RAD51B: variants seen among roughly 807,000 people sequenced by gnomAD.
RAD51B encodes RAD51 paralog B.
In RAD51B, 38 loss-of-function variants were observed where a neutral mutation model predicts 42.2. That is an observed-to-expected ratio of 0.90 (90% confidence interval 0.70 to 1.18). The LOEUF (loss-of-function observed/expected upper bound fraction) is 1.18. Ranked by LOEUF, RAD51B falls within the 50% of genes most tolerant of loss-of-function variation. The pLI is 0.00. For synonymous variants in RAD51B, 154 were observed against 145.2 expected (o/e 1.06, Z -0.43); for missense variants, 373 against 400.7 (o/e 0.93, Z 0.59).
chr14:68,459,389 G>C (rs2085785403), intron 9 of RAD51B, among the ~76,000 whole-genome samples: 1 of 152,196 alleles, frequency 6.6e-6, no homozygotes, highest in East Asian at 1.9e-4. Flanking sequence ...TGGCATGAAG[G>C]ATTTCTGTCG....
At chr14:68,458,828 G>A (rs1241045368) in intron 9 of RAD51B, among the ~76,000 whole-genome samples, 1 of 152,132 alleles carries the variant, frequency 6.6e-6, no homozygotes, top group Non-Finnish European at 1.5e-5. Context: ...CTCAAATACA[G>A]TTCATTTTTC....
intron 8 of RAD51B, among the ~76,000 whole-genome samples, chr14:68,370,042 G>T (rs1272051160): frequency 6.6e-6 from 1 of 152,188 alleles, no homozygotes; most frequent in Admixed American, 6.5e-5. Flanking sequence ...GGAGGATAAT[G>T]ACTGAACCTA....
intron 8 of RAD51B, among the ~76,000 whole-genome samples, chr14:68,376,821 T>C (rs1430379402): frequency 2.0e-5 from 3 of 152,196 alleles, no homozygotes; most frequent in African/African-American, 7.2e-5. Context: ...TTTTTGTAGT[T>C]ACAATGAGTA....
At chr14:68,634,712 T>C (rs1357652895) in intron 10 of RAD51B, among the ~76,000 whole-genome samples, 2 of 152,126 alleles carry the variant, frequency 1.3e-5, no homozygotes, top group African/African-American at 4.8e-5. Flanking sequence ...GTGGAGCCTC[T>C]GGAAATGGTG....
chr14:68,153,883 G>C (rs2078443318), intron 7 of RAD51B, among the ~76,000 whole-genome samples: 1 of 152,132 alleles, frequency 6.6e-6, no homozygotes, highest in Non-Finnish European at 1.5e-5. Flanking sequence ...CTCATTTATT[G>C]AGTGTATTCC....
intron 10 of RAD51B, among the ~76,000 whole-genome samples, chr14:68,628,971 G>A (rs1406398042): frequency 2.0e-5 from 3 of 152,134 alleles, no homozygotes; most frequent in East Asian, 1.9e-4. Context: ...GCGTTCCAGC[G>A]CAAACCAACC....
chr14:68,531,677 A>G (rs1887317377), intron 10 of RAD51B, among the ~76,000 whole-genome samples: 1 of 152,182 alleles, frequency 6.6e-6, no homozygotes, highest in Non-Finnish European at 1.5e-5. Flanking sequence ...AAAAGATATA[A>G]CCACAAACTG....
chr14:68,659,769 A>G (rs1338529899), intron 11 of RAD51B, among the ~76,000 whole-genome samples: 1 of 152,218 alleles, frequency 6.6e-6, no homozygotes. Context: ...ATCTGGAGCC[A>G]TGCCCTGCCA....
At position 68,565,426 on chromosome 14, in the gene RAD51B, A is replaced by G. The variant is rs1889374309; in HGVS notation, c.1037-29059A>G. On this transcript the variant is annotated intron_variant, in intron 10 of 10. Transcript: ENST00000487270. This position sits in a 1 kb window ranked among gnomAD's most constrained non-coding sequence, Gnocchi z 4.1. ...TTGGGATCTGGCTCTCTCAGAGCCAAGCCTTTCTGTTTGGAGTTTTGCACA... is the reference window on the plus strand; with the variant it reads ...TTGGGATCTGGCTCTCTCAGAGCCAGGCCTTTCTGTTTGGAGTTTTGCACA... Among the ~76,000 whole-genome samples the G allele has an allele frequency of 6.6e-6, 1 of 152,196 alleles. No homozygotes were observed. The highest frequency in any genetic ancestry group is 2.1e-4 in the South Asian group (1 of 4,834).
intron 11 of RAD51B, among the ~76,000 whole-genome samples, chr14:68,658,299 G>A (rs987533309): frequency 5.3e-5 from 8 of 152,192 alleles, no homozygotes; most frequent in Non-Finnish European, 1.0e-4. Flanking sequence ...GGGGCTGCCC[G>A]GACCGAGAAT....
At chr14:67,873,005 T>A (rs370997979) in intron 5 of RAD51B, among the ~76,000 whole-genome samples, 1 of 152,116 alleles carries the variant, frequency 6.6e-6, no homozygotes, top group Non-Finnish European at 1.5e-5. Flanking sequence ...AACCTAGGCA[T>A]TACCATTCAG....
intron 7 of RAD51B, among the ~76,000 whole-genome samples, chr14:68,054,306 A>G (rs1187531547): frequency 6.6e-6 from 1 of 152,060 alleles, no homozygotes; most frequent in Non-Finnish European, 1.5e-5. Flanking sequence ...GACATTTTTT[A>G]TGAGTGTAGG....
intron 8 of RAD51B, among the ~76,000 whole-genome samples, chr14:68,336,743 C>T (rs574523347): frequency 6.6e-6 from 1 of 152,280 alleles, no homozygotes; most frequent in Admixed American, 6.5e-5. Flanking sequence ...GTATCAGTTT[C>T]TTGAAACTAA....
At chr14:68,625,349 G>A (rs565711568) in intron 10 of RAD51B, among the ~76,000 whole-genome samples, 2 of 152,246 alleles carry the variant, frequency 1.3e-5, no homozygotes, top group South Asian at 2.1e-4. Flanking sequence ...CTCAAGCCAG[G>A]CCTGATTCAC....
intron 7 of RAD51B, among the ~76,000 whole-genome samples, chr14:68,269,741 G>A (rs1267540789): frequency 6.6e-6 from 1 of 152,190 alleles, no homozygotes; most frequent in African/African-American, 2.4e-5. Flanking sequence ...CTGGAACAAC[G>A]CCTGTTCCCC....
intron 7 of RAD51B, among the ~76,000 whole-genome samples, chr14:67,944,227 G>C (rs939140946): frequency 5.0e-5 from 7 of 139,308 alleles, no homozygotes; most frequent in African/African-American, 1.9e-4. Flanking sequence ...TTTTTTGACA[G>C]AGCTGGAGAA....
At chr14:68,523,634 C>A (rs940923634) in intron 10 of RAD51B, among the ~76,000 whole-genome samples, 3 of 152,104 alleles carry the variant, frequency 2.0e-5, no homozygotes, top group Non-Finnish European at 4.4e-5. Context: ...TATCATTTAC[C>A]CCCTCAACAG....
At position 67,869,143 on chromosome 14, in the gene RAD51B, A is replaced by G. The variant is rs1347451516; in HGVS notation, c.452+4004A>G. Among the ~76,000 whole-genome samples, 5 of 152,222 alleles carry G rather than the reference A, an allele frequency of 3.3e-5. No individual in the cohort carries two copies. In the South Asian group the frequency reaches 1.0e-3, roughly 32 times the overall value. The stretch of plus-strand genomic sequence containing the variant: ...TCAGATGATCAAATTACTCCGAGCT[A>G]CGGGAGGACATTCAAACCAAAGGCA... On this transcript the variant is annotated intron_variant, in intron 5 of 10. Transcript: ENST00000471583.
At chr14:68,152,957 A>G (rs1459607915) in intron 7 of RAD51B, among the ~76,000 whole-genome samples, 2 of 152,210 alleles carry the variant, frequency 1.3e-5, no homozygotes, top group African/African-American at 4.8e-5. Context: ...GCTGTGTAGT[A>G]TTCCATAGTG....
Sources: allele counts gnomAD v4.1 joint callset (sites outside exome capture counted in the v4.1 genomes callset), GRCh38; gene constraint gnomAD v4.1.1; non-coding constraint Gnocchi (gnomAD v3.1); transcripts MANE v1.5; gene names NCBI Gene and HGNC (gene_info 2026-07-23, HGNC 2026-07-21).